TTN: variants seen among roughly 807,000 people sequenced by gnomAD.
TTN encodes the protein connectin.
A neutral mutation model predicts 3,223.0 loss-of-function variants in TTN; 1,525 were observed. That is an observed-to-expected ratio of 0.47 (90% CI 0.45 to 0.49). The LOEUF is 0.49. Ranked by LOEUF, TTN falls within the 20% of genes least tolerant of loss-of-function variation. TTN has a pLI of 0.00. For missense variants in TTN, 40,786 were observed against 43,424.0 expected, an observed-to-expected ratio of 0.94 and a Z score of 5.40; for synonymous variants, 14,094 against 15,161.0, an observed-to-expected ratio of 0.93 and a Z score of 5.17.
rs879169496 is a variant in TTN at position 178,542,389 on chromosome 2, C to T, written c.97367G>A (p.Arg32456Lys). The change falls in exon 349 of 363, where the codon AGG becomes AAG. Residue 32456 changes from arginine to lysine, a missense_variant. Coordinates refer to ENST00000589042, the MANE Select transcript of TTN (RefSeq NM_001267550.2). ...GWLPVSESVTRSTFKFTRLTE... is the reference protein window; with the variant it reads ...GWLPVSESVTKSTFKFTRLTE... ...GAGTCTGGTAAACTTAAACGTGGAC[C>T]TAGTCACTGATTCAGAAACGGGCAG... 1 of 1,613,624 alleles carries T rather than the reference C, an allele frequency of 6.2e-7. No individual in the cohort carries two copies. Among genetic ancestry groups the T allele is most frequent in the African/African-American group, 1.3e-5 (1 of 74,992 alleles).
intron 220 of TTN, 145 bp from the exon 221 acceptor site, chr2:178,640,775 C>A (rs1034920002): frequency 2.5e-5 from 16 of 645,174 alleles, no homozygotes; most frequent in Non-Finnish European, 3.8e-5. Context: ...ATTTTATTTT[C>A]TTGACTCTGC....
In TTN at chr2:178,741,609, T is replaced by C; in HGVS notation, c.11624A>G (p.His3875Arg). The stretch of plus-strand genomic sequence containing the variant: ...TTTGGTGAACAGAATGATCAGGCTA[T>C]GATCATCACCGTCAAAAACAAATTT... ...DYKFVFDGDD[H>R]SLIILFTKLE... Residue 3875 changes from histidine (H) to arginine (R), a missense_variant, in exon 48 of 363, where the codon CAT (histidine) becomes CGT (arginine). Transcript: ENST00000589042. 1 of 1,613,876 alleles carries C rather than the reference T, an allele frequency of 6.2e-7. No individual in the cohort carries two copies. Among genetic ancestry groups the C allele is most frequent in the Non-Finnish European group, 8.5e-7 (1 of 1,179,808 alleles).
At chr2:178,770,741 A>G in intron 34 of TTN, 66 bp from the exon 35 acceptor site, 1 of 1,564,336 alleles carries the variant, frequency 6.4e-7, no homozygotes, top group Non-Finnish European at 8.7e-7. Flanking sequence ...GAAGTCCTGA[A>G]CAAGATCATT....
chr2:178,712,813 T>A lies in TTN; in HGVS notation c.27212A>T (p.Asp9071Val), dbSNP rs886044486. The A allele has an allele frequency of 2.5e-6, 4 of 1,613,678 alleles. No individual in the cohort carries two copies. In the Admixed American group the frequency reaches 6.7e-5, roughly 27 times the overall value. Reference protein sequence around the residue: ...PGDRCNVSLEDSVAELELFDV... With the variant: ...PGDRCNVSLEVSVAELELFDV... Reference sequence around the variant, plus strand: ...GAACAACTCCAGTTCAGCAACTGAATCCTCCAAAGACACGTTGCATCTGTC... The same window carrying A: ...GAACAACTCCAGTTCAGCAACTGAAACCTCCAAAGACACGTTGCATCTGTC... Residue 9071 changes from aspartate to valine, a missense_variant, in exon 94 of 363, where the codon GAT becomes GTT. Asp to Val is a radical substitution (Grantham distance 152). Coordinates refer to ENST00000589042, the MANE Select transcript of TTN (RefSeq NM_001267550.2).
chr2:178,607,358 T>G, intron 277 of TTN, 43 bp downstream of exon 277: 1 of 1,612,556 alleles, frequency 6.2e-7, no homozygotes, highest in Non-Finnish European at 8.5e-7. Context: ...TAAGATAGTA[T>G]CACTTGGGAA....
At position 178,526,111 on chromosome 2, in the gene TTN, A is replaced by C. The variant is rs1686330559; in HGVS notation, c.*901T>G. The stretch of plus-strand genomic sequence containing the variant: ...ACTACATCAAATTGACATTTTGGGC[A>C]ATTAGTAATATTGTTTAAAATTTAA... On this transcript the variant is annotated 3_prime_UTR_variant, in exon 363 of 363. Transcript: ENST00000589042. 1 of 152,678 alleles carries C rather than the reference A, an allele frequency of 6.5e-6. No individual in the cohort carries two copies. The highest frequency in any genetic ancestry group is 6.5e-5 in the Admixed American group (1 of 15,286). The allele number at this position is 152,678 out of a possible 1,614,324, so 9.5% of individuals were successfully genotyped here.
intron 242 of TTN, among the ~76,000 whole-genome samples, chr2:178,623,681 C>T (rs1012151292): frequency 6.6e-6 from 1 of 151,866 alleles, no homozygotes; most frequent in African/African-American, 2.4e-5. Flanking sequence ...ATGCATGAAG[C>T]ACAGAGTCAC....
Position 178,712,594 on chromosome 2 carries a change from C to A in TTN, c.27329-1G>T, listed in dbSNP as rs1378646156. ...AGCCTCTTCACAAATTTGGCTGGGGCTAAAGTGACCAAATTGAAAATATAA... is the reference window on the plus strand; with the variant it reads ...AGCCTCTTCACAAATTTGGCTGGGGATAAAGTGACCAAATTGAAAATATAA... On this transcript the variant is annotated splice_acceptor_variant, in intron 94 of 362. Transcript: ENST00000589042. LOFTEE classifies it high-confidence loss of function. 2 of 1,608,604 alleles carry A rather than the reference C, an allele frequency of 1.2e-6. No individual in the cohort carries two copies. Among genetic ancestry groups the A allele is most frequent in the South Asian group, 1.1e-5 (1 of 90,600 alleles).
intron 47 of TTN, chr2:178,751,544 T>C: frequency 6.2e-7 from 1 of 1,613,364 alleles, no homozygotes; most frequent in Non-Finnish European, 8.5e-7. Flanking sequence ...AGCCTCCACA[T>C]TTTCATGTGT....
chr2:178,758,669 C>T (rs777405724), intron 44 of TTN: 2 of 340,066 alleles, frequency 5.9e-6, no homozygotes, highest in Non-Finnish European at 5.5e-6. Flanking sequence ...AACAAATCTA[C>T]CTATTTATGC....
chr2:178,532,960 G>A lies in TTN; in HGVS notation c.103655C>T (p.Thr34552Ile). 2.5e-6 allele frequency: 4 copies of A among 1,613,866 alleles called. No individual in the cohort carries two copies. Among genetic ancestry groups the A allele is most frequent in the Non-Finnish European group, 3.4e-6 (4 of 1,179,866 alleles). ...VPEPRKYKQT[T>I]IEEDQRIKQF... Reference sequence around the variant, plus strand: ...CTTGATGCGTTGGTCTTCTTCTATGGTAGTCTGCTTATACTTGCGTGGCTC... The same window carrying A: ...CTTGATGCGTTGGTCTTCTTCTATGATAGTCTGCTTATACTTGCGTGGCTC... Residue 34552 changes from threonine to isoleucine, a missense_variant, in exon 358 of 363, where the codon ACC (threonine) becomes ATC (isoleucine). Physicochemically the swap from Thr to Ile is moderately conservative, Grantham distance 89. Coordinates refer to ENST00000589042, the MANE Select transcript of TTN (RefSeq NM_001267550.2).
Position 178,718,008 on chromosome 2 carries a change from T to C in TTN, c.24998A>G (p.Glu8333Gly), listed in dbSNP as rs770811407. The C allele has an allele frequency of 3.1e-6, 5 of 1,613,804 alleles. No individual in the cohort carries two copies. Among genetic ancestry groups the C allele is most frequent in the Non-Finnish European group, 8.5e-7 (1 of 1,179,718 alleles). Residue 8333 changes from glutamate to glycine, a missense_variant, in exon 86 of 363, where the codon GAG becomes GGG. Coordinates refer to ENST00000589042, the MANE Select transcript of TTN (RefSeq NM_001267550.2). ...ACTGTTGTCTGCCTTGCATGAATAC[T>C]CTCCCACATCACTGTGATCCACTTT... ...INKVDHSDVG[E>G]YSCKADNSVG...
At position 178,605,697 on chromosome 2, in the gene TTN, T is replaced by A. The variant is rs767840065; in HGVS notation, c.53598A>T (p.Pro17866=). Residue 17866 remains proline (P), a synonymous_variant, in exon 279 of 363, where the codon CCA becomes CCT. Transcript: ENST00000589042. ...AVDPLGPPTS[P]ERLTYTERTK... is the part of the protein sequence containing the mutation. ...TCCTTTCAGTGTATGTGAGCCTCTC[T>A]GGAGATGTTGGAGGACCTTTAGCCA... 1 of 1,544,008 alleles carries A rather than the reference T, an allele frequency of 6.5e-7. No individual in the cohort carries two copies. The highest frequency in any genetic ancestry group is 2.3e-5 in the East Asian group (1 of 43,570).
In TTN at chr2:178,577,767, A is replaced by T; in HGVS notation, c.68659T>A (p.Ser22887Thr). ...TTAACATGGTTGGCTTTCATCCAAG[A>T]CTTCGAAGGTAGATCTCGCTTCTCC... ...IVEKRDLPSK[S>T]WMKANHVNVP... The change falls in exon 323 of 363, where the codon TCT becomes ACT. Residue 22887 changes from serine (S) to threonine (T), a missense_variant. Ser to Thr is a moderately conservative substitution (Grantham distance 58, BLOSUM62 1). Transcript: ENST00000589042. 3 of 1,613,326 alleles carry T rather than the reference A, an allele frequency of 1.9e-6. No individual in the cohort carries two copies. The highest frequency in any genetic ancestry group is 2.5e-6 in the Non-Finnish European group (3 of 1,179,560).
rs966874169 is a variant in TTN at position 178,705,114 on chromosome 2, A to T, written c.29604+60T>A. On this transcript the variant is annotated intron_variant, in intron 103 of 362. Transcript: ENST00000589042. ...ATAGGATTCTGGTAATTCAAAGGGA[A>T]TATGTGAGATGTTTTAAATGTGACT... The T allele has an allele frequency of 1.3e-5, 20 of 1,593,218 alleles. No individual in the cohort carries two copies. The Admixed American group carries it at 1.4e-4, about 11-fold the overall frequency.
At position 178,651,885 on chromosome 2, in the gene TTN, T is replaced by C. The variant is rs2063049264; in HGVS notation, c.39378A>G (p.Gln13126=). The change falls in exon 205 of 363, where the codon CAA becomes CAG. Residue 13126 remains glutamine (Q), a splice_region_variant and synonymous_variant. Transcript: ENST00000589042. The part of the protein sequence containing the change: ...VEEPEPAAPP[Q]VTVPPKKPVP... Reference sequence around the variant, plus strand: ...CCTAGCAGCTTTCTTGCCATGTACCTTGTGGAGGCGCCGCTGGCTCTGGCT... The same window carrying C: ...CCTAGCAGCTTTCTTGCCATGTACCCTGTGGAGGCGCCGCTGGCTCTGGCT... 5 of 1,606,002 alleles carry C rather than the reference T, an allele frequency of 3.1e-6. No homozygotes were observed. Among genetic ancestry groups the C allele is most frequent in the Admixed American group, 3.4e-5 (2 of 58,822 alleles).
Position 178,555,124 on chromosome 2 carries a change from T to G in TTN, c.88335A>C (p.Glu29445Asp), listed in dbSNP as rs1391026926. The change falls in exon 331 of 363, where the codon GAA (glutamate) becomes GAC (aspartate). Residue 29445 changes from glutamate (E) to aspartate (D), a missense_variant. Glu to Asp is a conservative substitution (Grantham distance 45). Coordinates refer to ENST00000589042, the MANE Select transcript of TTN (RefSeq NM_001267550.2). ...YGGPVIDLPL[E>D]YTEVVKYRAG... ...CTCTGTATTTGACAACTTCTGTATATTCTAGAGGCAAATCAATTACAGGAC... is the reference window on the plus strand; with the variant it reads ...CTCTGTATTTGACAACTTCTGTATAGTCTAGAGGCAAATCAATTACAGGAC... The G allele has an allele frequency of 6.2e-7, 1 of 1,611,392 alleles. No homozygotes were observed. Among genetic ancestry groups the G allele is most frequent in the Non-Finnish European group, 8.5e-7 (1 of 1,179,374 alleles).
Position 178,767,768 on chromosome 2 carries a change from C to T in TTN, c.9462G>A (p.Lys3154=), listed in dbSNP as rs769790199. The T allele has an allele frequency of 3.1e-6, 5 of 1,613,942 alleles. No individual in the cohort carries two copies. The highest frequency in any genetic ancestry group is 4.2e-6 in the Non-Finnish European group (5 of 1,179,992). The part of the protein sequence containing the change: ...GRDVRIRSIK[K]EVQVIEKQRA... ...AGTATGTAGACAATACCTGAACCTCCTTTTTAATACTTCGGATGCGAACAT... is the reference window on the plus strand; with the variant it reads ...AGTATGTAGACAATACCTGAACCTCTTTTTTAATACTTCGGATGCGAACAT... The change falls in exon 40 of 363, where the codon AAG becomes AAA. Residue 3154 remains lysine, a synonymous_variant. Coordinates refer to ENST00000589042, the MANE Select transcript of TTN (RefSeq NM_001267550.2).
rs763314900 is a variant in TTN, at chr2:178,531,458, A to G, written c.105157T>C (p.Phe35053Leu). The G allele has an allele frequency of 3.7e-6, 6 of 1,613,820 alleles. No individual in the cohort carries two copies. The highest frequency in any genetic ancestry group is 5.1e-6 in the Non-Finnish European group (6 of 1,179,888). Reference protein sequence around the residue: ...RRDEEVPRSVFPELTRTEAYA... With the variant: ...RRDEEVPRSVLPELTRTEAYA... ...GCCTCTGTTCTTGTCAGCTCAGGGA[A>G]AACAGATCTGGGGACCTCTTCATCT... Residue 35053 changes from phenylalanine (F) to leucine (L), a missense_variant, in exon 358 of 363, where the codon TTC becomes CTC. Physicochemically the swap from Phe to Leu is conservative, Grantham distance 22. Coordinates refer to ENST00000589042, the MANE Select transcript of TTN (RefSeq NM_001267550.2).
Sources: allele counts gnomAD v4.1 joint callset (sites outside exome capture counted in the v4.1 genomes callset), GRCh38; gene constraint gnomAD v4.1.1; transcripts MANE v1.5; gene names NCBI Gene and HGNC (gene_info 2026-07-23, HGNC 2026-07-21).